PID1: variants seen among roughly 807,000 people sequenced by gnomAD.
PID1 encodes the protein PTB-containing, cubilin and LRP1-interacting protein.
A neutral mutation model predicts 19.1 loss-of-function variants in PID1; 10 were observed. The ratio of observed to expected loss-of-function variants is 0.52; its 90% CI spans 0.32 to 0.89. The LOEUF (loss-of-function observed/expected upper bound fraction) is 0.89, where lower values mean the gene tolerates loss of function less well. PID1 is among the 40% of genes least tolerant of loss of function. The pLI, the probability that PID1 is intolerant of heterozygous loss-of-function variation, is 0.03. For synonymous variants in PID1, 130 were observed against 116.0 expected (o/e 1.12, Z -0.78); for missense variants, 248 against 285.3 (o/e 0.87, Z 0.94).
At chr2:229,110,527 T>G (rs17614019) in intron 2 of PID1, among the ~76,000 whole-genome samples, 50,024 of 151,976 alleles carry the variant, frequency 0.33, 8,528 homozygotes, top group East Asian at 0.52. Context: ...GGGGCCGAGA[T>G]TGCATGCTGA....
At chr2:229,205,646 C>T (rs1175080970) in intron 1 of PID1, among the ~76,000 whole-genome samples, 1 of 152,096 alleles carries the variant, frequency 6.6e-6, no homozygotes, top group Admixed American at 6.6e-5. Context: ...GTTACAAGAT[C>T]AGCAGCAGGG....
At chr2:229,182,220 T>C (rs2106219765) in intron 1 of PID1, among the ~76,000 whole-genome samples, 1 of 152,190 alleles carries the variant, frequency 6.6e-6, no homozygotes, top group Admixed American at 6.5e-5. Flanking sequence ...GTGTTAATGA[T>C]GTATCAGTGC....
chr2:229,104,845 C>A (rs183409033), intron 2 of PID1, among the ~76,000 whole-genome samples: 23 of 152,320 alleles, frequency 1.5e-4, no homozygotes, highest in Non-Finnish European at 1.8e-4. Context: ...CACATCCCAC[C>A]TGGCACATAA....
chr2:229,062,176 A>C (rs1574596679), intron 2 of PID1, among the ~76,000 whole-genome samples: 1 of 151,962 alleles, frequency 6.6e-6, no homozygotes, highest in East Asian at 1.9e-4. Context: ...CTGATTTTAG[A>C]GAAAAAGGTT....
intron 1 of PID1, among the ~76,000 whole-genome samples, chr2:229,157,274 A>G (rs1690393057): frequency 6.6e-6 from 1 of 152,086 alleles, no homozygotes; most frequent in Non-Finnish European, 1.5e-5. Flanking sequence ...TACTAAAAAT[A>G]CAAAAATTAG....
intron 2 of PID1, among the ~76,000 whole-genome samples, chr2:229,121,349 T>C (rs947050330): frequency 6.6e-6 from 1 of 152,200 alleles, no homozygotes; most frequent in Non-Finnish European, 1.5e-5. Flanking sequence ...GCATACTAAA[T>C]TCATTGCAAG....
intron 1 of PID1, among the ~76,000 whole-genome samples, chr2:229,198,090 T>C (rs778762614): frequency 6.6e-6 from 1 of 152,068 alleles, no homozygotes; most frequent in African/African-American, 2.4e-5. Flanking sequence ...CTGTAAAATA[T>C]TGGCACTTTG....
chr2:229,125,278 G>C (rs1047773678), intron 2 of PID1, among the ~76,000 whole-genome samples: 1 of 152,002 alleles, frequency 6.6e-6, no homozygotes, highest in African/African-American at 2.4e-5. Flanking sequence ...GAAATGACAT[G>C]AATCAGAGCC....
intron 1 of PID1, among the ~76,000 whole-genome samples, chr2:229,252,310 G>A (rs1171459287): frequency 1.3e-5 from 2 of 152,196 alleles, no homozygotes; most frequent in Non-Finnish European, 2.9e-5. Context: ...AAACACAGAT[G>A]TGGTCACAAA....
At chr2:229,074,381 G>A (rs1694517246) in intron 2 of PID1, among the ~76,000 whole-genome samples, 1 of 152,096 alleles carries the variant, frequency 6.6e-6, no homozygotes, top group Non-Finnish European at 1.5e-5. Context: ...GATTTAAAAT[G>A]GAGACAAACA....
At chr2:229,162,605 C>T (rs1308507354) in intron 1 of PID1, among the ~76,000 whole-genome samples, 3 of 152,190 alleles carry the variant, frequency 2.0e-5, no homozygotes, top group Non-Finnish European at 2.9e-5. Context: ...CCACAAGGAA[C>T]AATTGGGTGA....
intron 2 of PID1, among the ~76,000 whole-genome samples, chr2:229,069,468 G>T (rs1694408431): frequency 6.6e-6 from 1 of 152,114 alleles, no homozygotes; most frequent in South Asian, 2.1e-4. Flanking sequence ...GGAGAAAACA[G>T]TCCTACCACA....
At chr2:229,080,631 G>A (rs1384835190) in intron 2 of PID1, among the ~76,000 whole-genome samples, 2 of 152,212 alleles carry the variant, frequency 1.3e-5, no homozygotes, top group Admixed American at 1.3e-4. Context: ...AACCTAGGAT[G>A]TTCTCAAGGG....
chr2:229,074,322 A>G (rs1694515528), intron 2 of PID1, among the ~76,000 whole-genome samples: 1 of 151,504 alleles, frequency 6.6e-6, no homozygotes, highest in Admixed American at 6.6e-5. Context: ...AACATTACTT[A>G]AAAAAAAAGA....
intron 2 of PID1, among the ~76,000 whole-genome samples, chr2:229,061,404 AC>A (rs563829610): frequency 1.7e-4 from 26 of 152,106 alleles, no homozygotes; most frequent in African/African-American, 5.8e-4. Flanking sequence ...ATCAAAAAAA[AC>A]AATTGACTAT....
At chr2:229,101,541 AAATG>A (rs1695074525) in intron 2 of PID1, among the ~76,000 whole-genome samples, 1 of 152,224 alleles carries the variant, frequency 6.6e-6, no homozygotes, top group Non-Finnish European at 1.5e-5. Context: ...ACTATGGGCC[AAATG>A]CTATGCAAAA....
intron 1 of PID1, among the ~76,000 whole-genome samples, chr2:229,240,532 C>A (rs556302742): frequency 3.3e-5 from 5 of 152,256 alleles, no homozygotes; most frequent in Non-Finnish European, 7.4e-5. Flanking sequence ...TAAAACAAGT[C>A]ATTCCCATTG....
chr2:229,231,708 G>A (rs1692212871), intron 1 of PID1, among the ~76,000 whole-genome samples: 1 of 152,082 alleles, frequency 6.6e-6, no homozygotes, highest in African/African-American at 2.4e-5. Context: ...AGCTATGCTG[G>A]AGTTCCCAAA....
At chr2:229,207,905 T>C (rs1691643714) in intron 1 of PID1, among the ~76,000 whole-genome samples, 1 of 152,064 alleles carries the variant, frequency 6.6e-6, no homozygotes, top group Non-Finnish European at 1.5e-5. Context: ...AACACTGTGT[T>C]GCCATTGAGA....
Sources: allele counts gnomAD v4.1 joint callset (sites outside exome capture counted in the v4.1 genomes callset), GRCh38; gene constraint gnomAD v4.1.1; transcripts MANE v1.5; gene names NCBI Gene and HGNC (gene_info 2026-07-23, HGNC 2026-07-21).